Variants in AFF1 observed in about 807,000 individuals in gnomAD.
AFF1 encodes the protein ALF transcription elongation factor 1.
AFF1 carries 48 observed loss-of-function variants against 121.7 expected under a neutral mutation model. The ratio of observed to expected loss-of-function variants is 0.39; its 90% confidence interval spans 0.31 to 0.50. The LOEUF (loss-of-function observed/expected upper bound fraction) is 0.50. Ranked by LOEUF, AFF1 falls within the 20% of genes least tolerant of loss-of-function variation. The pLI is 0.76. For missense variants in AFF1, 1,523 were observed against 1,511.7 expected, an observed-to-expected ratio of 1.01 and a Z score of -0.12; for synonymous variants, 613 against 563.0, an observed-to-expected ratio of 1.09 and a Z score of -1.26.
chr4:87,124,661 CTG>C (rs1728041061), intron 12 of AFF1, among the ~76,000 whole-genome samples: 3 of 152,236 alleles, frequency 2.0e-5, no homozygotes, highest in South Asian at 2.1e-4. Flanking sequence ...AAAATCATCT[CTG>C]TATTATTTGA....
At chr4:87,033,878 GA>G (rs1428811459) in intron 2 of AFF1, among the ~76,000 whole-genome samples, 1 of 152,034 alleles carries the variant, frequency 6.6e-6, no homozygotes, top group Non-Finnish European at 1.5e-5. Flanking sequence ...TCTGTATGTA[GA>G]GTTAGATGTG....
chr4:87,124,703 T>C (rs1728045869), intron 12 of AFF1, among the ~76,000 whole-genome samples: 1 of 152,234 alleles, frequency 6.6e-6, no homozygotes. Context: ...TGGATTCTTT[T>C]CTATTTAGAA....
intron 2 of AFF1, among the ~76,000 whole-genome samples, chr4:86,986,192 C>T (rs796214064): frequency 1.3e-5 from 2 of 152,076 alleles, no homozygotes; most frequent in South Asian, 2.1e-4. Context: ...GTGCCTCGAC[C>T]TCCCGAGTAG....
At chr4:87,050,318 G>T (rs981627671) in intron 4 of AFF1, among the ~76,000 whole-genome samples, 1 of 152,126 alleles carries the variant, frequency 6.6e-6, no homozygotes, top group Non-Finnish European at 1.5e-5. Flanking sequence ...CTTTCCTAGT[G>T]CTCTGAGTGT....
At chr4:87,053,756 T>C (rs1158045996) in intron 4 of AFF1, among the ~76,000 whole-genome samples, 1 of 152,240 alleles carries the variant, frequency 6.6e-6, no homozygotes. Context: ...TCTTGGATCT[T>C]AACTGTCCTA....
At chr4:87,088,589 G>A (rs559232288) in intron 5 of AFF1, among the ~76,000 whole-genome samples, 1 of 145,184 alleles carries the variant, frequency 6.9e-6, no homozygotes, top group Admixed American at 6.8e-5. Context: ...CAGATTGCTG[G>A]TAGAGTTGTA....
chr4:86,986,431 C>T (rs1443231026), intron 2 of AFF1, among the ~76,000 whole-genome samples: 6 of 152,048 alleles, frequency 3.9e-5, no homozygotes, highest in South Asian at 2.1e-4. Context: ...TGCCTCTTCT[C>T]GTGATTTAAT....
intron 8 of AFF1, among the ~76,000 whole-genome samples, chr4:87,102,599 A>G (rs1725533434): frequency 6.6e-6 from 1 of 152,236 alleles, no homozygotes; most frequent in Admixed American, 6.5e-5. Context: ...GGGCACAGCT[A>G]CATGATACTG....
intron 2 of AFF1, among the ~76,000 whole-genome samples, chr4:87,023,733 T>TC (rs1215511780): frequency 6.6e-6 from 1 of 152,248 alleles, no homozygotes; most frequent in Non-Finnish European, 1.5e-5. Context: ...TGCCAAAATG[T>TC]CCAACATTTG....
intron 2 of AFF1, among the ~76,000 whole-genome samples, chr4:86,984,773 A>C (rs1423093025): frequency 6.6e-6 from 1 of 152,068 alleles, no homozygotes; most frequent in Non-Finnish European, 1.5e-5. Context: ...TTGTCTATAT[A>C]AAAAATTTTA....
At chr4:87,006,938 C>T in intron 2 of AFF1, 3 of 1,022,338 alleles carry the variant, frequency 2.9e-6, no homozygotes, top group Non-Finnish European at 3.5e-6. Flanking sequence ...CCGCAACTTT[C>T]TTGACAGGGG....
chr4:87,022,088 C>T (rs1290325442), intron 2 of AFF1, among the ~76,000 whole-genome samples: 2 of 151,620 alleles, frequency 1.3e-5, no homozygotes, highest in Non-Finnish European at 1.5e-5. Flanking sequence ...GCCTGTAATC[C>T]CAGCTACTTG....
chr4:87,091,854 T>A (rs754169593), intron 7 of AFF1, 25 bp downstream of exon 7: 1 of 1,534,708 alleles, frequency 6.5e-7, no homozygotes, highest in South Asian at 1.2e-5. Flanking sequence ...AACTGCTTAT[T>A]GGATTGGAGA....
chr4:87,006,911 G>T, intron 2 of AFF1: 3 of 989,392 alleles, frequency 3.0e-6, no homozygotes, highest in South Asian at 4.6e-5. Flanking sequence ...GCCCATTTAA[G>T]TAGGCGGGCC....
chr4:87,030,008 A>G (rs957392490), intron 2 of AFF1, among the ~76,000 whole-genome samples: 1 of 152,218 alleles, frequency 6.6e-6, no homozygotes, highest in African/African-American at 2.4e-5. Context: ...ATAAGAATGG[A>G]GATTTTAATC....
intron 2 of AFF1, among the ~76,000 whole-genome samples, chr4:87,035,205 C>T (rs1047183484): frequency 1.3e-5 from 2 of 152,022 alleles, no homozygotes; most frequent in African/African-American, 4.8e-5. Flanking sequence ...GAAAGTGAGG[C>T]AGAACGCAGG....
rs80044550 is a variant in AFF1 at position 87,110,767 on chromosome 4, C to G, written c.1533+2452C>G. Among the ~76,000 whole-genome samples the G allele has an allele frequency of 2.2e-3, 340 of 152,194 alleles. 1 individual carries two copies. Among genetic ancestry groups the G allele is most frequent in the African/African-American group, 8.0e-3 (331 of 41,520 alleles). ...CATAATTCATTCTCAAATATACTAA[C>G]TTTTGCCAATTTATTAAAACACCTA... is the stretch of plus-strand genomic sequence containing the variant. On this transcript the variant is annotated intron_variant, in intron 11 of 20. Transcript: ENST00000395146.
At chr4:86,968,696 C>T (rs185365839) in intron 2 of AFF1, among the ~76,000 whole-genome samples, 5 of 152,122 alleles carry the variant, frequency 3.3e-5, no homozygotes, top group South Asian at 2.1e-4. Flanking sequence ...CTGCTGGGGA[C>T]GGAAGAGGGG....
intron 12 of AFF1, among the ~76,000 whole-genome samples, chr4:87,119,194 AT>A (rs1488719967): frequency 6.6e-6 from 1 of 152,000 alleles, no homozygotes; most frequent in East Asian, 1.9e-4. Context: ...AACCAAGCTT[AT>A]TTTTTTCCAG....
Sources: gnomAD v4.1 joint callset for allele counts (sites outside exome capture counted in the v4.1 genomes callset) on GRCh38, gnomAD v4.1.1 for gene constraint, MANE v1.5 for transcripts, NCBI Gene and HGNC (gene_info 2026-07-23, HGNC 2026-07-21) for gene names.